PPP1R21: variants seen among roughly 807,000 people sequenced by gnomAD.
PPP1R21 encodes the protein protein phosphatase 1 regulatory subunit 21, also known as KLRAQ motif containing 1.
A neutral mutation model predicts 112.8 loss-of-function variants in PPP1R21; 85 were observed. That is an observed-to-expected ratio of 0.75 (90% CI 0.63 to 0.90). The LOEUF (loss-of-function observed/expected upper bound fraction) is 0.90. Ranked by LOEUF, PPP1R21 falls within the 40% of genes least tolerant of loss-of-function variation. The probability of loss-of-function intolerance (pLI) is 0.00; values close to 1 mark genes in which losing one functional copy is unlikely to be tolerated. For missense variants in PPP1R21, 1,199 were observed against 901.5 expected, an observed-to-expected ratio of 1.33 and a Z score of -4.23; for synonymous variants, 381 against 322.3, an observed-to-expected ratio of 1.18 and a Z score of -1.95.
intron 3 of PPP1R21, 73 bp downstream of exon 3, chr2:48,454,814 A>G: frequency 4.3e-6 from 5 of 1,154,740 alleles, no homozygotes; most frequent in South Asian, 1.3e-5. Context: ...TCCTGGTTTT[A>G]ACAGAAGACC....
At chr2:48,466,891 G>C (rs1344943967) in intron 9 of PPP1R21, among the ~76,000 whole-genome samples, 1 of 152,164 alleles carries the variant, frequency 6.6e-6, no homozygotes, top group Non-Finnish European at 1.5e-5. Context: ...AATGGCTCCA[G>C]GTTCTAAAAG....
At chr2:48,474,256 G>A (rs552380840) in intron 11 of PPP1R21, among the ~76,000 whole-genome samples, 1 of 152,116 alleles carries the variant, frequency 6.6e-6, no homozygotes, top group African/African-American at 2.4e-5. Context: ...GGTGGTGGGT[G>A]CCTGTAATCC....
chr2:48,456,829 G>T lies in PPP1R21; in HGVS notation c.274-1297G>T, dbSNP rs34685164. Among the ~76,000 whole-genome samples the T allele has an allele frequency of 4.0e-4, 61 of 152,256 alleles. No homozygotes were observed. In the East Asian group the frequency reaches 0.011, roughly 28 times the overall value. Reference sequence around the variant, plus strand: ...GCACTTTGGGAGGCCGAGGCGGGCAGATCAGGAGGTCAGGAGTTGGAGACC... The same window carrying T: ...GCACTTTGGGAGGCCGAGGCGGGCATATCAGGAGGTCAGGAGTTGGAGACC... On this transcript the variant is annotated intron_variant, in intron 3 of 21. Coordinates refer to ENST00000294952, the MANE Select transcript of PPP1R21 (RefSeq NM_001135629.3).
Position 48,460,126 on chromosome 2 carries a change from A to C in PPP1R21, c.572A>C (p.Lys191Thr), listed in dbSNP as rs1214143845. The change falls in exon 6 of 22, where the codon AAG becomes ACG. Residue 191 changes from lysine (K) to threonine (T), a missense_variant. By Grantham distance (78) the Lys-to-Thr change is moderately conservative (BLOSUM62 -1). Transcript: ENST00000294952. ...VKSQTLEKEA[K>T]ECRLRTEECQ... ...TCTCAGACTCTAGAAAAGGAAGCCAAGGAATGTCGACTTCGAACGGAAGAA... is the reference window on the plus strand; with the variant it reads ...TCTCAGACTCTAGAAAAGGAAGCCACGGAATGTCGACTTCGAACGGAAGAA... 5 of 1,614,196 alleles carry C rather than the reference A, an allele frequency of 3.1e-6. No homozygotes were observed. Among genetic ancestry groups the C allele is most frequent in the Non-Finnish European group, 4.2e-6 (5 of 1,180,038 alleles).
intron 1 of PPP1R21, among the ~76,000 whole-genome samples, chr2:48,450,762 AT>A (rs1422246180): frequency 6.7e-6 from 1 of 149,952 alleles, no homozygotes; most frequent in African/African-American, 2.4e-5. Flanking sequence ...TTTTAGTCCC[AT>A]TTTTGCCATT....
intron 1 of PPP1R21, among the ~76,000 whole-genome samples, chr2:48,442,842 T>C (rs1399063628): frequency 6.6e-6 from 1 of 152,086 alleles, no homozygotes; most frequent in Non-Finnish European, 1.5e-5. Flanking sequence ...TGAAAGGTTG[T>C]GGATGTCAAG....
chr2:48,453,380 A>G (rs1667567867), intron 2 of PPP1R21, among the ~76,000 whole-genome samples: 1 of 152,076 alleles, frequency 6.6e-6, no homozygotes, highest in South Asian at 2.1e-4. Context: ...TTAAATAGAG[A>G]TGACGTCTCA....
chr2:48,501,141 G>A (rs965049322), intron 17 of PPP1R21, among the ~76,000 whole-genome samples: 1 of 152,208 alleles, frequency 6.6e-6, no homozygotes, highest in Non-Finnish European at 1.5e-5. Context: ...TAGCTACGGT[G>A]TATAAATGAG....
At chr2:48,462,352 A>C (rs141854666) in intron 7 of PPP1R21, among the ~76,000 whole-genome samples, 51 of 152,312 alleles carry the variant, frequency 3.3e-4, no homozygotes, top group African/African-American at 1.2e-3. Context: ...AGGCAGAGAT[A>C]GATGTAGAAA....
chr2:48,454,751 A>G lies in PPP1R21; in HGVS notation c.273+10A>G. The G allele has an allele frequency of 6.2e-7, 1 of 1,610,362 alleles. No homozygotes were observed. The highest frequency in any genetic ancestry group is 8.5e-7 in the Non-Finnish European group (1 of 1,176,536). On this transcript the variant is annotated intron_variant, in intron 3 of 21. Coordinates refer to ENST00000294952, the MANE Select transcript of PPP1R21 (RefSeq NM_001135629.3). ...AGGCAAGAAAAACAAGGTAGGTTCA[A>G]ATACAGGCAAGTTAGTGTGACCTTG...
intron 17 of PPP1R21, among the ~76,000 whole-genome samples, chr2:48,502,971 C>T (rs1004895664): frequency 2.6e-5 from 4 of 152,030 alleles, no homozygotes; most frequent in Non-Finnish European, 5.9e-5. Context: ...TGAGCTGCCG[C>T]GCCCAGCCTA....
intron 17 of PPP1R21, among the ~76,000 whole-genome samples, chr2:48,499,321 G>T (rs1285440863): frequency 6.6e-6 from 1 of 152,206 alleles, no homozygotes; most frequent in African/African-American, 2.4e-5. Context: ...TCCTGGAAAA[G>T]ATATAGTAAG....
chr2:48,470,669 G>A (rs552103657), intron 9 of PPP1R21, among the ~76,000 whole-genome samples: 11 of 152,040 alleles, frequency 7.2e-5, no homozygotes, highest in African/African-American at 2.4e-4. Flanking sequence ...AATTTTTGTC[G>A]TACAGTCTTG....
intron 15 of PPP1R21, among the ~76,000 whole-genome samples, chr2:48,494,453 G>C (rs1407576992): frequency 6.6e-6 from 1 of 151,274 alleles, no homozygotes; most frequent in Non-Finnish European, 1.5e-5. Context: ...TTGAATCAGA[G>C]TCTTGCTCTG....
At chr2:48,445,980 C>G (rs1389259270) in intron 1 of PPP1R21, among the ~76,000 whole-genome samples, 1 of 152,188 alleles carries the variant, frequency 6.6e-6, no homozygotes, top group Non-Finnish European at 1.5e-5. Context: ...CTTCAGTATT[C>G]TGAAGCTTTG....
At chr2:48,504,788 T>C (rs1423845397) in intron 17 of PPP1R21, among the ~76,000 whole-genome samples, 2 of 152,182 alleles carry the variant, frequency 1.3e-5, no homozygotes, top group African/African-American at 4.8e-5. Context: ...TCAGAAATCA[T>C]GACCATCTGT....
intron 1 of PPP1R21, among the ~76,000 whole-genome samples, chr2:48,447,112 A>G (rs1243988921): frequency 3.3e-5 from 5 of 152,186 alleles, no homozygotes; most frequent in Admixed American, 1.3e-4. Context: ...CAAAATTAAA[A>G]CTGAATAGTT....
At chr2:48,465,345 A>G in intron 8 of PPP1R21, 148 bp from the exon 9 acceptor site, 1 of 815,096 alleles carries the variant, frequency 1.2e-6, no homozygotes, top group South Asian at 2.1e-5. Flanking sequence ...TTAGATAGGA[A>G]TATTAAAATT....
intron 3 of PPP1R21, among the ~76,000 whole-genome samples, chr2:48,456,977 A>G (rs1291973818): frequency 2.0e-5 from 3 of 150,892 alleles, no homozygotes; most frequent in Non-Finnish European, 4.4e-5. Context: ...GCTTGAATCC[A>G]GGAAGCCGAG....
Sources: gnomAD v4.1 joint callset for allele counts (sites outside exome capture counted in the v4.1 genomes callset) on GRCh38, gnomAD v4.1.1 for gene constraint, MANE v1.5 for transcripts, NCBI Gene and HGNC (gene_info 2026-07-23, HGNC 2026-07-21) for gene names.